Variants in PRR16 observed in about 807,000 individuals in gnomAD.
PRR16 encodes the protein proline rich 16, also known as protein Largen.
PRR16 carries 6 observed loss-of-function variants against 18.2 expected under a neutral mutation model. The observed-to-expected ratio is 0.33, with a 90% CI of 0.18 to 0.65. The LOEUF (loss-of-function observed/expected upper bound fraction) is 0.65, where lower values mean the gene tolerates loss of function less well. Ranked by LOEUF, PRR16 falls within the 30% of genes least tolerant of loss-of-function variation. The pLI, the probability that PRR16 is intolerant of heterozygous loss-of-function variation, is 0.74. For missense variants in PRR16, 412 were observed against 376.6 expected (o/e 1.09, Z -0.78); for synonymous variants, 151 against 147.8 (o/e 1.02, Z -0.16).
the PRR16 span, among the ~76,000 whole-genome samples, chr5:120,725,512 C>G: frequency 0.19 from 29,032 of 151,744 alleles, 3,363 homozygotes; most frequent in Non-Finnish European, 0.25. Flanking sequence ...AAAACACACA[C>G]ACACCCACAC....
At chr5:120,718,908 T>G in the PRR16 span, among the ~76,000 whole-genome samples, 1 of 151,824 alleles carries the variant, frequency 6.6e-6, no homozygotes, top group African/African-American at 2.4e-5. Flanking sequence ...CTAATAGAAG[T>G]GTATAGGGAA....
chr5:120,528,414 A>G (rs1158445573), intron 1 of PRR16, among the ~76,000 whole-genome samples: 1 of 152,192 alleles, frequency 6.6e-6, no homozygotes, highest in Non-Finnish European at 1.5e-5. Flanking sequence ...GACTCAAGAT[A>G]CTGACCAACT....
chr5:120,646,029 A>AC (rs538438635), intron 1 of PRR16, among the ~76,000 whole-genome samples: 5 of 119,380 alleles, frequency 4.2e-5, no homozygotes, highest in African/African-American at 1.6e-4. Flanking sequence ...AGCTCAAATT[A>AC]CAAAAAAAAA....
chr5:120,780,861 C>A, the PRR16 span, among the ~76,000 whole-genome samples: 1 of 152,206 alleles, frequency 6.6e-6, no homozygotes, highest in East Asian at 1.9e-4. Context: ...AGCATCCTGG[C>A]CAACATGGTG....
the PRR16 span, among the ~76,000 whole-genome samples, chr5:120,700,143 C>T: frequency 1.1e-3 from 162 of 152,108 alleles, 2 homozygotes; most frequent in Admixed American, 7.2e-4. Flanking sequence ...TTTGGCACCA[C>T]GGGGTGGATA....
chr5:120,649,524 A>T (rs1167669035), intron 1 of PRR16, among the ~76,000 whole-genome samples: 2 of 152,184 alleles, frequency 1.3e-5, no homozygotes, highest in Admixed American at 6.6e-5. Context: ...TTCAAAAAGA[A>T]ATATGATAAC....
At chr5:120,486,829 T>C (rs1749818903) in intron 1 of PRR16, among the ~76,000 whole-genome samples, 1 of 152,156 alleles carries the variant, frequency 6.6e-6, no homozygotes, top group East Asian at 1.9e-4. Flanking sequence ...TTGTGTAAGG[T>C]GTAAGGAAGG....
the PRR16 span, among the ~76,000 whole-genome samples, chr5:120,723,367 T>C: frequency 3.9e-5 from 6 of 152,090 alleles, no homozygotes; most frequent in East Asian, 7.7e-4. Flanking sequence ...TTCATTTCTA[T>C]GCATCTTATC....
chr5:120,611,861 G>T (rs1284359180), intron 1 of PRR16, among the ~76,000 whole-genome samples: 1 of 152,168 alleles, frequency 6.6e-6, no homozygotes, highest in Non-Finnish European at 1.5e-5. Flanking sequence ...ACCCCAGAAT[G>T]GTAGCTCTAC....
At chr5:120,541,390 C>CCCA (rs75254821) in intron 1 of PRR16, among the ~76,000 whole-genome samples, 2,309 of 152,282 alleles carry the variant, frequency 0.015, 26 homozygotes, top group Non-Finnish European at 0.025. Context: ...AGCTGATCTG[C>CCCA]CCACCTCAGC....
At chr5:120,565,713 G>A (rs188340588) in intron 1 of PRR16, among the ~76,000 whole-genome samples, 26 of 152,308 alleles carry the variant, frequency 1.7e-4, no homozygotes, top group East Asian at 1.5e-3. Flanking sequence ...AGATTTTCCT[G>A]TGAAATAGCT....
chr5:120,783,568 T>A, the PRR16 span, among the ~76,000 whole-genome samples: 19 of 152,260 alleles, frequency 1.2e-4, no homozygotes, highest in Middle Eastern at 6.8e-3. Flanking sequence ...TTTAAAAAAA[T>A]TTAAATTGTT....
At chr5:120,698,679 A>G in the PRR16 span, among the ~76,000 whole-genome samples, 1 of 152,048 alleles carries the variant, frequency 6.6e-6, no homozygotes, top group East Asian at 1.9e-4. Flanking sequence ...AGGAACTTAA[A>G]TGGGGTGTAC....
rs968006209 is a variant in PRR16 at position 120,532,474 on chromosome 5, A to G, written c.159+67829A>G. On this transcript the variant is annotated intron_variant, in intron 1 of 1. Transcript: ENST00000407149. ...AACAACAAAATTTACACTCCTTTAT[A>G]GAGATAATTAAATTAATTAGAATAA... Among the ~76,000 whole-genome samples, 4 of 152,076 alleles carry G rather than the reference A, an allele frequency of 2.6e-5. 1 individual carries two copies. The highest frequency in any genetic ancestry group is 9.7e-5 in the African/African-American group (4 of 41,436).
the PRR16 span, among the ~76,000 whole-genome samples, chr5:120,727,767 A>T: frequency 1.3e-5 from 2 of 152,094 alleles, no homozygotes; most frequent in Non-Finnish European, 2.9e-5. Flanking sequence ...TATGTTAGAT[A>T]TCTAAACATG....
chr5:120,621,274 A>T lies in PRR16; in HGVS notation c.160-64680A>T, dbSNP rs574979817. Among the ~76,000 whole-genome samples, 9 of 151,982 alleles carry T rather than the reference A, an allele frequency of 5.9e-5. No individual in the cohort carries two copies. The East Asian group carries it at 1.7e-3, about 29-fold the overall frequency. On this transcript the variant is annotated intron_variant, in intron 1 of 1. Coordinates refer to ENST00000407149, the MANE Select transcript of PRR16 (RefSeq NM_001300783.2). ...TATAAAGGGATTCATGCTATTCTACATTGAAAACTTTTGCCACTTGCCATT... is the reference window on the plus strand; with the variant it reads ...TATAAAGGGATTCATGCTATTCTACTTTGAAAACTTTTGCCACTTGCCATT...
At chr5:120,671,994 T>C (rs1433052357) in intron 1 of PRR16, among the ~76,000 whole-genome samples, 1 of 152,220 alleles carries the variant, frequency 6.6e-6, no homozygotes, top group Non-Finnish European at 1.5e-5. Context: ...GTTCATTTAT[T>C]CAACATATAT....
chr5:120,494,761 T>G (rs73264167), intron 1 of PRR16, among the ~76,000 whole-genome samples: 2,022 of 152,258 alleles, frequency 0.013, 17 homozygotes, highest in Middle Eastern at 0.11. Flanking sequence ...GAGTTAATTT[T>G]TGTATACAGT....
chr5:120,741,958 A>G, the PRR16 span, among the ~76,000 whole-genome samples: 6 of 152,046 alleles, frequency 3.9e-5, no homozygotes, highest in African/African-American at 1.4e-4. Flanking sequence ...TTTTTTTGCC[A>G]AGTGTCTTTC....
Sources: allele counts gnomAD v4.1 joint callset (sites outside exome capture counted in the v4.1 genomes callset), GRCh38; gene constraint gnomAD v4.1.1; transcripts MANE v1.5; gene names NCBI Gene and HGNC (gene_info 2026-07-23, HGNC 2026-07-21).